The following MYH14 variants were observed in gnomAD, a reference collection of about 807,000 sequenced individuals.
MYH14 encodes myosin-14.
In MYH14, 123 loss-of-function variants were observed where a neutral mutation model predicts 255.5. The ratio of observed to expected loss-of-function variants is 0.48; its 90% CI spans 0.42 to 0.56. MYH14 has a LOEUF of 0.56. Among genes scored for constraint, MYH14 ranks in the 20% least tolerant of loss-of-function variants. The probability of loss-of-function intolerance (pLI) is 0.00; values close to 1 mark genes in which losing one functional copy is unlikely to be tolerated. For missense variants in MYH14, 2,423 were observed against 2,802.3 expected, an observed-to-expected ratio of 0.86 and a Z score of 3.06; for synonymous variants, 1,095 against 1,161.2, an observed-to-expected ratio of 0.94 and a Z score of 1.16.
chr19:50,300,559 A>G (rs1335425387), intron 39 of MYH14, among the ~76,000 whole-genome samples: 35 of 151,918 alleles, frequency 2.3e-4, no homozygotes, highest in African/African-American at 8.2e-4. Context: ...GACCAGCCTG[A>G]CCAACATGGA....
chr19:50,237,006 T>A (rs568071143), intron 10 of MYH14, among the ~76,000 whole-genome samples: 13 of 152,298 alleles, frequency 8.5e-5, no homozygotes, highest in African/African-American at 3.1e-4. Context: ...CTCTATGGAC[T>A]TGCGTATTCT....
At chr19:50,309,457 C>T in intron 42 of MYH14, 183 bp from the exon 43 acceptor site, 1 of 620,710 alleles carries the variant, frequency 1.6e-6, no homozygotes, top group Non-Finnish European at 2.9e-6. Context: ...TCTCTCTCTG[C>T]CCCCCATTGC....
At chr19:50,224,857 C>T (rs768929672) in intron 6 of MYH14, 16 of 456,298 alleles carry the variant, frequency 3.5e-5, no homozygotes, top group Admixed American at 9.4e-5. Flanking sequence ...ATAATCCCAG[C>T]ACTTTGGAAG....
At chr19:50,309,307 G>T in intron 42 of MYH14, 130 bp downstream of exon 42, 1 of 935,676 alleles carries the variant, frequency 1.1e-6, no homozygotes, top group Non-Finnish European at 1.7e-6. Flanking sequence ...GGCTGTGGGA[G>T]CAGCGGCTGT....
At chr19:50,296,893 T>G (rs538514642) in intron 39 of MYH14, among the ~76,000 whole-genome samples, 1 of 152,252 alleles carries the variant, frequency 6.6e-6, no homozygotes, top group South Asian at 2.1e-4. Context: ...AAAATATTAA[T>G]TAGTTGCTGT....
At chr19:50,296,017 G>A (rs141589492) in intron 39 of MYH14, among the ~76,000 whole-genome samples, 2,365 of 151,564 alleles carry the variant, frequency 0.016, 30 homozygotes, top group Admixed American at 0.023. Flanking sequence ...GGCTGGGGCA[G>A]AGAATTGCTT....
At chr19:50,263,573 T>C (rs2034969634) in intron 22 of MYH14, among the ~76,000 whole-genome samples, 153 bp downstream of exon 22, 1 of 152,172 alleles carries the variant, frequency 6.6e-6, no homozygotes, top group South Asian at 2.1e-4. Context: ...TGGGATTCTT[T>C]AGTTAGCAAG....
At chr19:50,222,702 G>T (rs1237747796) in intron 3 of MYH14, among the ~76,000 whole-genome samples, 1 of 152,134 alleles carries the variant, frequency 6.6e-6, no homozygotes, top group Non-Finnish European at 1.5e-5. Flanking sequence ...CCCAGGGCAG[G>T]CGCTGGGGTA....
rs146099002 is a variant in MYH14 at position 50,260,760 on chromosome 19, T to TGTGC, written c.2424+46_2424+47insTGCG. On this transcript the variant is annotated intron_variant, in intron 20 of 42. Coordinates refer to ENST00000642316, the MANE Select transcript of MYH14 (RefSeq NM_001145809.2). ...GAATGCGTGTGTGCGTGTGTGTGTG[T>TGTGC]GCGTGCATGAGTGTGCGTGCATGTG... is the stretch of plus-strand genomic sequence containing the variant. 476 of 1,311,654 alleles carry TGTGC rather than the reference T, an allele frequency of 3.6e-4. 14 individuals carry two copies. Among genetic ancestry groups the TGTGC allele is most frequent in the Non-Finnish European group, 4.5e-4 (418 of 921,326 alleles). 81.3% of individuals were successfully genotyped at this position (1,311,654 alleles called of 1,614,324 possible).
intron 30 of MYH14, 50 bp downstream of exon 30, chr19:50,278,339 ATGC>A: frequency 7.4e-7 from 1 of 1,353,344 alleles, no homozygotes; most frequent in Non-Finnish European, 1.0e-6. Context: ...CCTTGGTGAC[ATGC>A]CTGCCCTCTC....
intron 42 of MYH14, 146 bp downstream of exon 42, chr19:50,309,323 G>A (rs1350786702): frequency 2.6e-5 from 21 of 797,540 alleles, no homozygotes; most frequent in African/African-American, 1.2e-4. Context: ...GCTGTGTTGC[G>A]GGAGAGCCAA....
intron 27 of MYH14, among the ~76,000 whole-genome samples, 175 bp from the exon 28 acceptor site, chr19:50,275,816 A>T (rs1326948273): frequency 1.3e-5 from 2 of 152,174 alleles, no homozygotes; most frequent in Non-Finnish European, 2.9e-5. Flanking sequence ...GCAGAGCGAG[A>T]CCCTGTCTCA....
intron 15 of MYH14, among the ~76,000 whole-genome samples, chr19:50,251,082 G>A (rs73061147): frequency 2.0e-5 from 3 of 152,094 alleles, no homozygotes; most frequent in South Asian, 2.1e-4. Flanking sequence ...AAATACAGAC[G>A]ATCAGGATAT....
At chr19:50,258,958 C>A (rs980692630) in intron 18 of MYH14, among the ~76,000 whole-genome samples, 186 bp from the exon 19 acceptor site, 1 of 152,124 alleles carries the variant, frequency 6.6e-6, no homozygotes, top group African/African-American at 2.4e-5. Flanking sequence ...ACTGAACTCT[C>A]AGTTCCCCAG....
intron 23 of MYH14, among the ~76,000 whole-genome samples, chr19:50,267,853 G>A (rs1312538764): frequency 5.3e-5 from 8 of 152,080 alleles, no homozygotes; most frequent in Non-Finnish European, 4.4e-5. Context: ...GTGAGAGAAG[G>A]AAAGACCTGA....
rs71180680 is a variant in MYH14, at chr19:50,210,096, C to CAAAAAA, written c.-3-240_-3-235dup. Among the ~76,000 whole-genome samples, 35 of 59,634 alleles carry CAAAAAA rather than the reference C, an allele frequency of 5.9e-4. 3 individuals carry two copies. Among genetic ancestry groups the CAAAAAA allele is most frequent in the African/African-American group, 1.7e-3 (28 of 16,692 alleles). The allele number at this position is 59,634 out of a possible 152,430, so 39.1% of individuals were successfully genotyped here. A position where few individuals can be genotyped will look rare whatever the true frequency, so the allele number is the denominator to read the frequency against. ...CTGGGCAACAAGCGAGACTCCGTCT[C>CAAAAAA]AAAAAAAAAAAAAAAAAAAAAAAAA... is the stretch of plus-strand genomic sequence containing the variant. On this transcript the variant is annotated intron_variant, in intron 1 of 42. Transcript: ENST00000642316.
In MYH14 at chr19:50,252,750, G is replaced by A; in HGVS notation, c.1942G>A (p.Asp648Asn). ...CCGGCTGACGGCAGAGATCTGGAAA[G>A]ACGGTGAGGACCCACTTCCCCCACC... is the stretch of plus-strand genomic sequence containing the variant. ...TDRLTAEIWK[D>N]EHGGFQQFSF... Residue 648 changes from aspartate (D) to asparagine (N), a missense_variant, in exon 16 of 43, where the codon GAC becomes AAC. Asp to Asn is a conservative substitution (Grantham distance 23). Coordinates refer to ENST00000642316, the MANE Select transcript of MYH14 (RefSeq NM_001145809.2). The surrounding 1 kb of genome is among the most constrained non-coding windows in gnomAD (Gnocchi z 4.2). 1 of 1,578,292 alleles carries A rather than the reference G, an allele frequency of 6.3e-7. No homozygotes were observed. The highest frequency in any genetic ancestry group is 2.3e-5 in the East Asian group (1 of 42,822).
At position 50,309,006 on chromosome 19, in the gene MYH14, T is replaced by C. The variant is rs2036748859; in HGVS notation, c.5789T>C (p.Leu1930Pro). The C allele has an allele frequency of 6.2e-7, 1 of 1,610,426 alleles. No individual in the cohort carries two copies. Among genetic ancestry groups the C allele is most frequent in the Non-Finnish European group, 8.5e-7 (1 of 1,177,990 alleles). ...RRVADQLRDQ[L>P]EKGNLRVKQL... ...CCCAGTCCCCCTGCTTCCATCAAGCTGGAGAAGGGAAACCTTCGAGTCAAG... is the reference window on the plus strand; with the variant it reads ...CCCAGTCCCCCTGCTTCCATCAAGCCGGAGAAGGGAAACCTTCGAGTCAAG... The change falls in exon 42 of 43, where the codon CTG (leucine) becomes CCG (proline). Residue 1930 changes from leucine to proline, a missense_variant and splice_region_variant. Transcript: ENST00000642316.
At chr19:50,289,412 C>T (rs753142680) in intron 34 of MYH14, 24 bp from the exon 35 acceptor site, 6 of 1,584,554 alleles carry the variant, frequency 3.8e-6, no homozygotes, top group Non-Finnish European at 5.1e-6. Flanking sequence ...GACCCAGGTA[C>T]CCAGCAGCTA....
Sources: allele counts gnomAD v4.1 joint callset (sites outside exome capture counted in the v4.1 genomes callset), GRCh38; gene constraint gnomAD v4.1.1; non-coding constraint Gnocchi (gnomAD v3.1); transcripts MANE v1.5; gene names NCBI Gene and HGNC (gene_info 2026-07-23, HGNC 2026-07-21).